SH3RF3: variants seen among roughly 807,000 people sequenced by gnomAD.
SH3RF3 encodes the protein E3 ubiquitin-protein ligase SH3RF3.
SH3RF3 carries 29 observed loss-of-function variants against 66.3 expected under a neutral mutation model. The observed-to-expected ratio is 0.44, with a 90% CI of 0.33 to 0.60. The LOEUF (loss-of-function observed/expected upper bound fraction) is 0.60, where lower values mean the gene tolerates loss of function less well. Ranked by LOEUF, SH3RF3 falls within the 20% of genes least tolerant of loss-of-function variation. The pLI is 0.04. For missense variants in SH3RF3, 1,194 were observed against 1,190.9 expected, an observed-to-expected ratio of 1.00 and a Z score of -0.04; for synonymous variants, 583 against 532.0, an observed-to-expected ratio of 1.10 and a Z score of -1.32.
chr2:109,183,239 A>G (rs1558944690), intron 1 of SH3RF3, among the ~76,000 whole-genome samples: 1 of 152,232 alleles, frequency 6.6e-6, no homozygotes. Flanking sequence ...CTCAAAAAGC[A>G]CATCCTGAGA....
intron 2 of SH3RF3, among the ~76,000 whole-genome samples, chr2:109,357,821 T>A (rs1482371745): frequency 1.3e-5 from 2 of 152,198 alleles, no homozygotes; most frequent in East Asian, 3.8e-4. Context: ...TACAGAGATT[T>A]CCCATAAACC....
intron 1 of SH3RF3, among the ~76,000 whole-genome samples, chr2:109,175,205 T>A (rs1395174324): frequency 6.6e-6 from 1 of 152,154 alleles, no homozygotes; most frequent in East Asian, 1.9e-4. Context: ...AGTGGTGACG[T>A]CAGTTTGGTG....
intron 1 of SH3RF3, among the ~76,000 whole-genome samples, chr2:109,257,584 C>T (rs1240745244): frequency 2.0e-5 from 3 of 152,072 alleles, no homozygotes; most frequent in African/African-American, 4.8e-5. Context: ...ACTTTCTTCC[C>T]TTGACCACTG....
At chr2:109,442,096 G>A (rs942366919) in intron 7 of SH3RF3, among the ~76,000 whole-genome samples, 6 of 152,016 alleles carry the variant, frequency 3.9e-5, no homozygotes, top group African/African-American at 1.2e-4. Flanking sequence ...TGGATCACGA[G>A]GTCAGGAGAT....
At chr2:109,266,201 G>A (rs548767630) in intron 1 of SH3RF3, among the ~76,000 whole-genome samples, 48 of 150,052 alleles carry the variant, frequency 3.2e-4, no homozygotes, top group African/African-American at 1.2e-3. Context: ...GTTGTGTGTT[G>A]TGTGCATATG....
At chr2:109,198,774 C>T (rs1361185246) in intron 1 of SH3RF3, among the ~76,000 whole-genome samples, 1 of 152,194 alleles carries the variant, frequency 6.6e-6, no homozygotes, top group African/African-American at 2.4e-5. Flanking sequence ...CTCCTGATAC[C>T]AAACCTAGGA....
intron 1 of SH3RF3, among the ~76,000 whole-genome samples, chr2:109,304,446 C>T (rs1681545364): frequency 6.6e-6 from 1 of 151,996 alleles, no homozygotes; most frequent in African/African-American, 2.4e-5. Context: ...CTGAGTTGCC[C>T]CACGTTGTCT....
intron 7 of SH3RF3, among the ~76,000 whole-genome samples, chr2:109,445,292 C>CA (rs1325702711): frequency 1.3e-5 from 2 of 152,070 alleles, no homozygotes; most frequent in Non-Finnish European, 2.9e-5. Context: ...GAGAATTCTC[C>CA]AAAATTGAAG....
chr2:109,149,486 G>T (rs1677182995), intron 1 of SH3RF3, among the ~76,000 whole-genome samples: 4 of 152,204 alleles, frequency 2.6e-5, no homozygotes. Context: ...CAGATGAATG[G>T]CTTCAAAGGA....
chr2:109,399,989 C>T (rs1353440531), intron 4 of SH3RF3, among the ~76,000 whole-genome samples: 1 of 152,258 alleles, frequency 6.6e-6, no homozygotes. Context: ...TCCAGAGTCC[C>T]TCTGGCTGCC....
chr2:109,219,320 C>T (rs1679175387), intron 1 of SH3RF3, among the ~76,000 whole-genome samples: 1 of 152,162 alleles, frequency 6.6e-6, no homozygotes, highest in Non-Finnish European at 1.5e-5. Flanking sequence ...CATAAGGTTT[C>T]TACTTCTTTA....
At chr2:109,437,804 G>A (rs1204781681) in intron 7 of SH3RF3, among the ~76,000 whole-genome samples, 1 of 152,238 alleles carries the variant, frequency 6.6e-6, no homozygotes, top group Non-Finnish European at 1.5e-5. Context: ...AAGAAGGTAA[G>A]CACATCTTGG....
intron 1 of SH3RF3, among the ~76,000 whole-genome samples, chr2:109,304,999 A>G (rs898896911): frequency 6.6e-6 from 1 of 152,084 alleles, no homozygotes; most frequent in Non-Finnish European, 1.5e-5. Context: ...TGAGTGCCTC[A>G]TTTGTCTGGA....
intron 1 of SH3RF3, among the ~76,000 whole-genome samples, chr2:109,321,110 T>C (rs1243095563): frequency 6.6e-6 from 1 of 152,240 alleles, no homozygotes; most frequent in African/African-American, 2.4e-5. Flanking sequence ...GTAGTATTCA[T>C]GGAAGAAAGA....
chr2:109,221,377 G>GTT (rs1197386363), intron 1 of SH3RF3, among the ~76,000 whole-genome samples: 1 of 152,130 alleles, frequency 6.6e-6, no homozygotes, highest in Non-Finnish European at 1.5e-5. Flanking sequence ...GAGCTCAGGC[G>GTT]TTTGAGACCA....
chr2:109,308,108 T>A (rs1044258092), intron 1 of SH3RF3, among the ~76,000 whole-genome samples: 1 of 145,414 alleles, frequency 6.9e-6, no homozygotes, highest in Non-Finnish European at 1.5e-5. Context: ...TTTTAATGAT[T>A]GCCATTCTAA....
At chr2:109,416,860 G>A (rs566413054) in intron 4 of SH3RF3, among the ~76,000 whole-genome samples, 3 of 150,142 alleles carry the variant, frequency 2.0e-5, no homozygotes, top group South Asian at 2.1e-4. Context: ...AGCTGAGATC[G>A]CGCCACTGCA....
intron 1 of SH3RF3, among the ~76,000 whole-genome samples, chr2:109,194,182 C>T (rs1412678120): frequency 6.6e-6 from 1 of 152,234 alleles, no homozygotes; most frequent in African/African-American, 2.4e-5. Flanking sequence ...TGGTTGGAAT[C>T]CCTGAAACAG....
At chr2:109,340,506 C>T (rs1283865020) in intron 1 of SH3RF3, among the ~76,000 whole-genome samples, 1 of 152,172 alleles carries the variant, frequency 6.6e-6, no homozygotes, top group Non-Finnish European at 1.5e-5. Context: ...TGGGCAGATG[C>T]TGGAGGGGCG....
Sources: gnomAD v4.1 joint callset for allele counts (sites outside exome capture counted in the v4.1 genomes callset) on GRCh38, gnomAD v4.1.1 for gene constraint, MANE v1.5 for transcripts, NCBI Gene and HGNC (gene_info 2026-07-23, HGNC 2026-07-21) for gene names.